The following TNRC6B variants were observed in gnomAD, a reference collection of about 807,000 sequenced individuals.
TNRC6B encodes trinucleotide repeat containing adaptor 6B.
Under a neutral mutation model 203.6 loss-of-function variants are expected in TNRC6B, and 52 were observed. The ratio of observed to expected loss-of-function variants is 0.26; its 90% CI spans 0.20 to 0.32. The LOEUF (loss-of-function observed/expected upper bound fraction) is 0.32, where lower values mean the gene tolerates loss of function less well. Among genes scored for constraint, TNRC6B ranks in the 10% least tolerant of loss-of-function variants. The probability of loss-of-function intolerance (pLI) is 1.00; values close to 1 mark genes in which losing one functional copy is unlikely to be tolerated. For synonymous variants in TNRC6B, 838 were observed against 845.7 expected, an observed-to-expected ratio of 0.99 and a Z score of 0.16; for missense variants, 1,923 against 2,286.2, an observed-to-expected ratio of 0.84 and a Z score of 3.24.
intron 6 of TNRC6B, among the ~76,000 whole-genome samples, chr22:40,272,091 A>G (rs1322193614): frequency 6.6e-6 from 1 of 152,186 alleles, no homozygotes; most frequent in Non-Finnish European, 1.5e-5. Flanking sequence ...TTGTCAGTGG[A>G]TGCTATAAAG....
At chr22:40,321,790 A>C (rs532064986) in intron 22 of TNRC6B, 1 of 152,974 alleles carries the variant, frequency 6.5e-6, no homozygotes, top group Non-Finnish European at 1.5e-5. Flanking sequence ...ATCTCAAAAA[A>C]GAAAAAAAAC....
chr22:40,289,943 G>A (rs1211672331), intron 12 of TNRC6B, among the ~76,000 whole-genome samples: 1 of 152,176 alleles, frequency 6.6e-6, no homozygotes. Context: ...CTTGGAGCTC[G>A]TGACCATGTT....
chr22:40,236,839 A>G (rs1231490454), intron 1 of TNRC6B, among the ~76,000 whole-genome samples: 1 of 152,162 alleles, frequency 6.6e-6, no homozygotes, highest in African/African-American at 2.4e-5. Context: ...GCATACAGCA[A>G]CCATTGGTCA....
At chr22:40,268,179 A>G (rs555321893) in intron 5 of TNRC6B, among the ~76,000 whole-genome samples, 15 of 152,258 alleles carry the variant, frequency 9.9e-5, no homozygotes, top group Admixed American at 5.2e-4. Flanking sequence ...CCTCCGTGCC[A>G]AGTTCAAGTG....
At chr22:40,291,012 G>A (rs1435751042) in intron 12 of TNRC6B, among the ~76,000 whole-genome samples, 1 of 152,124 alleles carries the variant, frequency 6.6e-6, no homozygotes, top group Non-Finnish European at 1.5e-5. Flanking sequence ...CATACTGGGA[G>A]CAGAATATTA....
rs58022219 is a variant in TNRC6B, at chr22:40,167,704, C to CA, written c.113+11548dup. On this transcript the variant is annotated intron_variant, in intron 4 of 23. Coordinates refer to the TNRC6B transcript ENST00000301923. ...GACCAGCATAGATTCCCATCGCTACCAAAAAAAAAAAAAAAAAAAAAAAAA... is the reference window on the plus strand; with the variant it reads ...GACCAGCATAGATTCCCATCGCTACCAAAAAAAAAAAAAAAAAAAAAAAAAA... 4.9e-3 allele frequency among the ~76,000 whole-genome samples: 289 copies of CA among 58,984 alleles called. 12 individuals are homozygous for CA. The highest frequency in any genetic ancestry group is 0.023 in the South Asian group (28 of 1,194). The allele number at this position is 58,984 out of a possible 152,430, so 38.7% of individuals were successfully genotyped here.
chr22:40,123,258 G>A (rs527578733), intron 2 of TNRC6B, among the ~76,000 whole-genome samples: 1 of 152,146 alleles, frequency 6.6e-6, no homozygotes, highest in Non-Finnish European at 1.5e-5. Context: ...ACAGTGTGCA[G>A]TGTTGGGGGA....
At chr22:40,313,420 A>C (rs2071213536) in intron 19 of TNRC6B, among the ~76,000 whole-genome samples, 1 of 152,112 alleles carries the variant, frequency 6.6e-6, no homozygotes, top group Admixed American at 6.5e-5. Context: ...GGCTAAGGGC[A>C]GATGGCCAAA....
exon 1 of TNRC6B, chr22:40,044,859 C>G (rs781036220): frequency 2.0e-5 from 3 of 152,560 alleles, no homozygotes; most frequent in Non-Finnish European, 2.9e-5. Flanking sequence ...CGTGCTGCTG[C>G]AAGGCGAAAC....
At chr22:40,283,726 C>G (rs979847113) in intron 11 of TNRC6B, among the ~76,000 whole-genome samples, 1 of 152,068 alleles carries the variant, frequency 6.6e-6, no homozygotes, top group African/African-American at 2.4e-5. Flanking sequence ...AGCCTAAAAC[C>G]TATGGTGGGG....
chr22:40,269,126 C>CTT (rs35575346), intron 5 of TNRC6B, among the ~76,000 whole-genome samples: 18 of 57,876 alleles, frequency 3.1e-4, no homozygotes, highest in East Asian at 6.8e-4. Flanking sequence ...TACAGTATTT[C>CTT]TTTTTTTTTT....
At chr22:40,207,416 AAAATATATATATAT>A (rs1569020879) in intron 1 of TNRC6B, among the ~76,000 whole-genome samples, 1 of 114,704 alleles carries the variant, frequency 8.7e-6, no homozygotes, top group Non-Finnish European at 1.7e-5. Context: ...CAAAAAAAAA[AAAATATATATATAT>A]ATATATATAT....
intron 3 of TNRC6B, among the ~76,000 whole-genome samples, chr22:40,144,228 A>G (rs1195500671): frequency 6.6e-6 from 1 of 152,258 alleles, no homozygotes; most frequent in Admixed American, 6.5e-5. Flanking sequence ...TATACTCCAT[A>G]GAAATGACTG....
intron 1 of TNRC6B, among the ~76,000 whole-genome samples, chr22:40,097,705 C>T (rs181984603): frequency 7.3e-6 from 1 of 136,624 alleles, no homozygotes; most frequent in Non-Finnish European, 1.6e-5. Flanking sequence ...CACACACACA[C>T]ACACACACAC....
At chr22:40,167,474 G>C (rs756352282) in intron 4 of TNRC6B, among the ~76,000 whole-genome samples, 2 of 152,140 alleles carry the variant, frequency 1.3e-5, no homozygotes, top group Admixed American at 1.3e-4. Context: ...AATTTCAGAT[G>C]TGCAAGATGA....
chr22:40,301,070 A>G, intron 14 of TNRC6B, 65 bp downstream of exon 14: 5 of 1,572,052 alleles, frequency 3.2e-6, no homozygotes, highest in African/African-American at 1.4e-5. Context: ...TTAGCCTCTG[A>G]TGGCAAAGAA....
At chr22:40,242,447 T>G (rs915458970) in intron 1 of TNRC6B, among the ~76,000 whole-genome samples, 1 of 152,074 alleles carries the variant, frequency 6.6e-6, no homozygotes, top group African/African-American at 2.4e-5. Flanking sequence ...TTTTTTTTTT[T>G]GAGACGGAAT....
chr22:40,265,046 C>T lies in TNRC6B; in HGVS notation c.816C>T (p.Asn272=), dbSNP rs755579839. 1.4e-5 allele frequency: 22 copies of T among 1,613,884 alleles called. No individual in the cohort carries two copies. Among genetic ancestry groups the T allele is most frequent in the African/African-American group, 2.7e-5 (2 of 74,924 alleles). The stretch of plus-strand genomic sequence containing the variant: ...AGGCTAAATCTGTTCAATCTTCCAA[C>T]TCTACTACAGAGAACAACAATGGAC... The part of the protein sequence containing the change: ...DPKAKSVQSS[N]STTENNNGLG... Residue 272 remains asparagine, a synonymous_variant, in exon 5 of 23, where the codon AAC becomes AAT. Transcript: ENST00000454349.
intron 1 of TNRC6B, among the ~76,000 whole-genome samples, chr22:40,097,324 C>G (rs373387661): frequency 2.0e-5 from 3 of 151,736 alleles, no homozygotes; most frequent in East Asian, 3.9e-4. Flanking sequence ...TTAAGACAGC[C>G]AGACAGGGTC....
Sources: allele counts gnomAD v4.1 joint callset (sites outside exome capture counted in the v4.1 genomes callset), GRCh38; gene constraint gnomAD v4.1.1; transcripts MANE v1.5; gene names NCBI Gene and HGNC (gene_info 2026-07-23, HGNC 2026-07-21).